The following PPP1R16A variants were observed in gnomAD, a reference collection of about 807,000 sequenced individuals.
PPP1R16A encodes the protein myosin phosphatase-targeting subunit 3.
Under a neutral mutation model 46.6 loss-of-function variants are expected in PPP1R16A, and 39 were observed. The observed-to-expected ratio is 0.84, with a 90% CI of 0.65 to 1.09. The LOEUF is 1.09. PPP1R16A is among the 50% of genes least tolerant of loss of function. The pLI, the probability that PPP1R16A is intolerant of heterozygous loss-of-function variation, is 0.00. For missense variants in PPP1R16A, 798 were observed against 735.6 expected (o/e 1.08, Z -0.98); for synonymous variants, 413 against 321.5 (o/e 1.28, Z -3.04).
chr8:144,496,305 C>T (rs1187294526), intron 2 of PPP1R16A, 156 bp from the exon 3 acceptor site: 2 of 152,404 alleles, frequency 1.3e-5, no homozygotes, highest in Non-Finnish European at 2.9e-5. Flanking sequence ...GACTGTTGAC[C>T]TGCAGTGCTC....
Position 144,501,910 on chromosome 8 carries a change from T to C in PPP1R16A, c.*7T>C. On this transcript the variant is annotated 3_prime_UTR_variant, in exon 12 of 12. Transcript: ENST00000435887. The stretch of plus-strand genomic sequence containing the variant: ...GTGCTGCCTGCTCATGTGAGGCTGT[T>C]GCTCAGCATGCAGGGGCCCTGTCGC... The C allele has an allele frequency of 6.6e-7, 1 of 1,511,228 alleles. No individual in the cohort carries two copies. The allele number at this position is 1,511,228 out of a possible 1,614,324, so 93.6% of individuals were successfully genotyped here.
At chr8:144,500,784 C>T (rs1826392797) in intron 9 of PPP1R16A, 23 bp downstream of exon 9, 2 of 1,608,732 alleles carry the variant, frequency 1.2e-6, no homozygotes, top group Non-Finnish European at 1.7e-6. Flanking sequence ...GGCCCACCTC[C>T]ACCTGGGGGA....
intron 5 of PPP1R16A, chr8:144,499,306 GC>G (rs970737795): frequency 9.8e-4 from 509 of 520,290 alleles, no homozygotes; most frequent in South Asian, 2.4e-3. Context: ...CAGGCCTCGG[GC>G]CCCCCCCCAG....
chr8:144,485,316 A>T (rs1037545889), intron 1 of PPP1R16A, among the ~76,000 whole-genome samples: 1 of 148,506 alleles, frequency 6.7e-6, no homozygotes, highest in Non-Finnish European at 1.5e-5. Flanking sequence ...TGAGGTCAGG[A>T]GTTCAAGAAT....
intron 1 of PPP1R16A, among the ~76,000 whole-genome samples, chr8:144,487,755 A>G (rs1258812308): frequency 1.3e-5 from 2 of 152,200 alleles, no homozygotes; most frequent in Non-Finnish European, 2.9e-5. Flanking sequence ...ACTGTATATA[A>G]TAAGTCTTGA....
At chr8:144,494,061 C>T (rs959530734) in intron 2 of PPP1R16A, among the ~76,000 whole-genome samples, 1 of 152,190 alleles carries the variant, frequency 6.6e-6, no homozygotes, top group Non-Finnish European at 1.5e-5. Flanking sequence ...CAGGCTTTCT[C>T]TTCTGTAGGA....
rs1263914551 is a variant in PPP1R16A at position 144,501,371 on chromosome 8, C to G, written c.1203+77C>G. 3.3e-6 allele frequency: 5 copies of G among 1,500,416 alleles called. No homozygotes were observed. In the African/African-American group the frequency reaches 5.5e-5, roughly 17 times the overall value. The allele number at this position is 1,500,416 out of a possible 1,614,324, so 92.9% of individuals were successfully genotyped here. A position where few individuals can be genotyped will look rare whatever the true frequency, so the allele number is the denominator to read the frequency against. ...CCTGGTTCTCTCTCCGCTTGGACCC[C>G]CTCCTGCCTGTGTCAGGAATGGTGC... On this transcript the variant is annotated intron_variant, in intron 11 of 11. Coordinates refer to ENST00000435887, the MANE Select transcript of PPP1R16A (RefSeq NM_001329443.2).
chr8:144,489,635 C>T (rs112565232), intron 1 of PPP1R16A, among the ~76,000 whole-genome samples: 3,656 of 152,262 alleles, frequency 0.024, 142 homozygotes, highest in African/African-American at 0.084. Flanking sequence ...CTCTTCTGCC[C>T]TGTACACCCC....
chr8:144,494,172 G>C (rs911347972), intron 2 of PPP1R16A, among the ~76,000 whole-genome samples: 1 of 152,224 alleles, frequency 6.6e-6, no homozygotes, highest in Non-Finnish European at 1.5e-5. Context: ...GGGTCTCGCT[G>C]TATTGCCCAG....
Position 144,501,745 on chromosome 8 carries a change from G to C in PPP1R16A, c.1429G>C (p.Glu477Gln). 1 of 1,574,702 alleles carries C rather than the reference G, an allele frequency of 6.4e-7. No individual in the cohort carries two copies. Among genetic ancestry groups the C allele is most frequent in the Non-Finnish European group, 8.6e-7 (1 of 1,161,148 alleles). The change falls in exon 12 of 12, where the codon GAG becomes CAG. Residue 477 changes from glutamate (E) to glutamine (Q), a missense_variant. By Grantham distance (29) the Glu-to-Gln change is conservative. Transcript: ENST00000435887. ...KLQRPPPEGP[E>Q]SPETAEPGLP... ...GCAGCGACCCCCACCTGAGGGGCCC[G>C]AGAGCCCTGAGACAGCTGAGCCTGG...
chr8:144,497,874 C>T (rs959282551), intron 3 of PPP1R16A: 1 of 367,204 alleles, frequency 2.7e-6, no homozygotes, highest in African/African-American at 2.1e-5. Flanking sequence ...GACCAGCCAC[C>T]TCTGTGGGTG....
chr8:144,500,400 T>TG lies in PPP1R16A; in HGVS notation c.705+15dup. The TG allele has an allele frequency of 6.6e-7, 1 of 1,512,524 alleles. No individual in the cohort carries two copies. Among genetic ancestry groups the TG allele is most frequent in the Non-Finnish European group, 8.8e-7 (1 of 1,135,118 alleles). The allele number at this position is 1,512,524 out of a possible 1,614,324, so 93.7% of individuals were successfully genotyped here. A position where few individuals can be genotyped will look rare whatever the true frequency, so the allele number is the denominator to read the frequency against. ...ACCACGGGGCCACGCTGGTGAGGGC[T>TG]GGGGGGTGAGGGGCACACGGGGCTG... is the stretch of plus-strand genomic sequence containing the variant. On this transcript the variant is annotated intron_variant, in intron 7 of 11. Coordinates refer to ENST00000435887, the MANE Select transcript of PPP1R16A (RefSeq NM_001329443.2).
intron 1 of PPP1R16A, among the ~76,000 whole-genome samples, chr8:144,486,156 A>G (rs950547379): frequency 3.4e-4 from 51 of 151,948 alleles, no homozygotes; most frequent in African/African-American, 1.1e-3. Flanking sequence ...AATTTTTTTT[A>G]TTTTTTGAGA....
At position 144,500,296 on chromosome 8, in the gene PPP1R16A, C is replaced by CG; in HGVS notation, c.613dup (p.Ala205GlyfsTer57). The CG allele has an allele frequency of 6.5e-7, 1 of 1,545,148 alleles. No individual in the cohort carries two copies. Among genetic ancestry groups the CG allele is most frequent in the Non-Finnish European group, 8.7e-7 (1 of 1,147,238 alleles). On this transcript the variant is annotated frameshift_variant, in exon 7 of 12. Coordinates refer to ENST00000435887, the MANE Select transcript of PPP1R16A (RefSeq NM_001329443.2). LOFTEE classifies it high-confidence loss of function. The stretch of plus-strand genomic sequence containing the variant: ...CACCCAGGACAGCATCGAGGCCGCC[C>CG]GGGCCGTGCCAGAACTGCGCATGCT...
At chr8:144,501,071 G>C in intron 10 of PPP1R16A, 58 bp from the exon 11 acceptor site, 1 of 1,570,052 alleles carries the variant, frequency 6.4e-7, no homozygotes, top group Non-Finnish European at 8.6e-7. Flanking sequence ...CCGAGGGGGT[G>C]GGCGGGGTCC....
At position 144,478,017 on chromosome 8, in the gene PPP1R16A, G is replaced by A; in HGVS notation, c.-1024G>A. The A allele has an allele frequency of 7.6e-6, 3 of 393,894 alleles. No homozygotes were observed. Among genetic ancestry groups the A allele is most frequent in the Admixed American group, 4.4e-5 (1 of 22,542 alleles). 24.4% of individuals were successfully genotyped at this position (393,894 alleles called of 1,614,324 possible). On this transcript the variant is annotated 5_prime_UTR_variant, in exon 1 of 12. The change abolishes an upstream ATG in the 5' untranslated region. Transcript: ENST00000435887. ...CGGGCCGGAAGTGTAGCGTTGCCAT[G>A]GCGAGGGCCGGGTGCGGGGCCCGCC...
Position 144,497,338 on chromosome 8 carries a change from G to A in PPP1R16A, c.144G>A (p.Lys48=), listed in dbSNP as rs1826123860. The stretch of plus-strand genomic sequence containing the variant: ...CTGAGAAGGAGGCCCAGGGCAAGAA[G>A]GGTCCTGGGGAGCGTCCCCGGAAGG... ...AQAEKEAQGK[K]GPGERPRKEA... The change falls in exon 3 of 12, where the codon AAG becomes AAA. Residue 48 remains lysine (K), a synonymous_variant. Transcript: ENST00000435887. The A allele has an allele frequency of 6.2e-6, 10 of 1,612,780 alleles. No individual in the cohort carries two copies. The highest frequency in any genetic ancestry group is 8.5e-6 in the Non-Finnish European group (10 of 1,179,936).
chr8:144,501,284 C>A lies in PPP1R16A; in HGVS notation c.1193C>A (p.Pro398Gln). Residue 398 changes from proline to glutamine, a missense_variant, in exon 11 of 12, where the codon CCG becomes CAG. Coordinates refer to ENST00000435887, the MANE Select transcript of PPP1R16A (RefSeq NM_001329443.2). Reference sequence around the variant, plus strand: ...CAGACAGGCGCAGAGCTCAGGCCGCCGCCCCCGGAGGTGAGCGCCCCGTCC... The same window carrying A: ...CAGACAGGCGCAGAGCTCAGGCCGCAGCCCCCGGAGGTGAGCGCCCCGTCC... ...DRQTGAELRP[P>Q]PPEEDNPEVV... The A allele has an allele frequency of 6.3e-7, 1 of 1,588,360 alleles. No individual in the cohort carries two copies. Among genetic ancestry groups the A allele is most frequent in the South Asian group, 1.1e-5 (1 of 89,348 alleles).
At chr8:144,483,701 C>T (rs561351425) in intron 1 of PPP1R16A, among the ~76,000 whole-genome samples, 17 of 136,578 alleles carry the variant, frequency 1.2e-4, no homozygotes, top group Non-Finnish European at 2.4e-4. Flanking sequence ...CCACTGCGCC[C>T]GGTCTCTTTT....
Sources: allele counts gnomAD v4.1 joint callset (sites outside exome capture counted in the v4.1 genomes callset), GRCh38; gene constraint gnomAD v4.1.1; transcripts MANE v1.5; gene names NCBI Gene and HGNC (gene_info 2026-07-23, HGNC 2026-07-21).